Variants in CDCA7L observed in about 807,000 individuals in gnomAD.
CDCA7L encodes the protein cell division cycle-associated 7-like protein.
In CDCA7L, 44 loss-of-function variants were observed where a neutral mutation model predicts 57.4. The ratio of observed to expected loss-of-function variants is 0.77; its 90% CI spans 0.60 to 0.98. CDCA7L has a LOEUF of 0.98. CDCA7L is among the 50% of genes least tolerant of loss of function. The pLI is 0.00. For missense variants in CDCA7L, 644 were observed against 580.6 expected (o/e 1.11, Z -1.12); for synonymous variants, 236 against 202.8 (o/e 1.16, Z -1.39).
Position 21,908,488 on chromosome 7 carries a change from C to A in CDCA7L, c.323G>T (p.Ser108Ile). The change falls in exon 4 of 10, where the codon AGT becomes ATT. Residue 108 changes from serine (S) to isoleucine (I), a missense_variant. Physicochemically the swap from Ser to Ile is moderately radical, Grantham distance 142. Transcript: ENST00000406877. ...CACCAAAGATGCTTTGCCATCATCA[C>A]TCAAATCTGACTCCACGACCTAATA... ...PEVMVVESDLSDDGKASLVSE... is the reference protein window; with the variant it reads ...PEVMVVESDLIDDGKASLVSE... The A allele has an allele frequency of 6.5e-7, 1 of 1,535,846 alleles. No homozygotes were observed. The highest frequency in any genetic ancestry group is 1.3e-5 in the South Asian group (1 of 76,564).
chr7:21,934,233 T>C (rs1786096976), intron 1 of CDCA7L, among the ~76,000 whole-genome samples: 1 of 152,208 alleles, frequency 6.6e-6, no homozygotes, highest in Non-Finnish European at 1.5e-5. Flanking sequence ...AATCTGTTCA[T>C]GGATACACAA....
intron 1 of CDCA7L, among the ~76,000 whole-genome samples, chr7:21,933,340 C>T (rs958368034): frequency 2.0e-5 from 3 of 152,140 alleles, no homozygotes; most frequent in Admixed American, 1.3e-4. Flanking sequence ...ACTATAAAGA[C>T]ACATGCACAT....
intron 2 of CDCA7L, among the ~76,000 whole-genome samples, chr7:21,916,457 GGTTA>G (rs1295957235): frequency 6.8e-6 from 1 of 146,996 alleles, no homozygotes; most frequent in Non-Finnish European, 1.5e-5. Flanking sequence ...CCTCGCCACA[GGTTA>G]CAGCCCCAAG....
chr7:21,905,848 T>C, intron 6 of CDCA7L: 1 of 531,928 alleles, frequency 1.9e-6, no homozygotes, highest in East Asian at 3.3e-5. Flanking sequence ...GAACTCAAGG[T>C]TTTTGGTTCT....
chr7:21,905,522 AT>A lies in CDCA7L; in HGVS notation c.1030del (p.Ile344SerfsTer108). On this transcript the variant is annotated frameshift_variant, in exon 7 of 10. Coordinates refer to ENST00000406877, the MANE Select transcript of CDCA7L (RefSeq NM_018719.5). LOFTEE classifies it high-confidence loss of function. ...ENVAITVRDKIYDKVLGNTCH... is the reference protein window; with the variant it reads ...ENVAITVRDKXYDKVLGNTCH... Reference sequence around the variant, plus strand: ...ATACTTTACCAGAACTTTATCATAGATTTTATCTCGAACAGTTATGGCAACA... The same window carrying A: ...ATACTTTACCAGAACTTTATCATAGATTTATCTCGAACAGTTATGGCAACA... 2 of 1,613,920 alleles carry A rather than the reference AT, an allele frequency of 1.2e-6. No individual in the cohort carries two copies. Among genetic ancestry groups the A allele is most frequent in the Non-Finnish European group, 8.5e-7 (1 of 1,179,918 alleles).
At chr7:21,903,297 C>CAAACACTGA (rs1785003838) in intron 8 of CDCA7L, among the ~76,000 whole-genome samples, 183 bp from the exon 9 acceptor site, 1 of 152,108 alleles carries the variant, frequency 6.6e-6, no homozygotes, top group Non-Finnish European at 1.5e-5. Flanking sequence ...ACGTCACATG[C>CAAACACTGA]AAACACTGAA....
intron 6 of CDCA7L, 34 bp from the exon 7 acceptor site, chr7:21,905,665 T>C: frequency 6.3e-7 from 1 of 1,591,330 alleles, no homozygotes; most frequent in Non-Finnish European, 8.5e-7. Flanking sequence ...CATGGAGATG[T>C]GTTGAGCAGT....
chr7:21,929,637 A>C (rs2128066926), intron 1 of CDCA7L, among the ~76,000 whole-genome samples: 1 of 115,102 alleles, frequency 8.7e-6, no homozygotes, highest in African/African-American at 2.7e-5. Flanking sequence ...AAAGCAAAAA[A>C]AAAAAAAAAA....
chr7:21,904,568 C>T (rs2128056990), intron 7 of CDCA7L, among the ~76,000 whole-genome samples: 1 of 152,306 alleles, frequency 6.6e-6, no homozygotes, highest in South Asian at 2.1e-4. Context: ...CATAGGAGCA[C>T]AAACCCTCTA....
In CDCA7L at chr7:21,929,870, G is replaced by T. The variant is rs541784456; in HGVS notation, c.25-12976C>A. On this transcript the variant is annotated intron_variant, in intron 1 of 9. Transcript: ENST00000406877. ...AGACTTAGACTCCCACACAATAATA[G>T]TGGGAGACTTTAACACGCCACTGTC... 2.0e-5 allele frequency among the ~76,000 whole-genome samples: 3 copies of T among 152,124 alleles called. No homozygotes were observed. The East Asian group carries it at 5.8e-4, about 29-fold the overall frequency.
chr7:21,902,781 C>CAAAGGAGAAGATTCCCTAATAGGGAAA, intron 9 of CDCA7L, 197 bp downstream of exon 9: 1 of 559,648 alleles, frequency 1.8e-6, no homozygotes, highest in Non-Finnish European at 3.0e-6. Context: ...AAAAATCTAG[C>CAAAGGAGAAGATTCCCTAATAGGGAAA]AAAGGAGAAG....
At chr7:21,902,548 CCCGCATT>C (rs1322509216) in intron 9 of CDCA7L, 196 bp from the exon 10 acceptor site, 1 of 561,634 alleles carries the variant, frequency 1.8e-6, no homozygotes, top group African/African-American at 1.9e-5. Context: ...TTGCCTCACT[CCCGCATT>C]CCAGAACCAC....
At chr7:21,927,511 G>C (rs1785865481) in intron 1 of CDCA7L, among the ~76,000 whole-genome samples, 1 of 152,138 alleles carries the variant, frequency 6.6e-6, no homozygotes, top group South Asian at 2.1e-4. Context: ...GAATACAGAA[G>C]AGTGAAAACA....
At chr7:21,915,861 A>C (rs568936938) in intron 2 of CDCA7L, among the ~76,000 whole-genome samples, 1 of 152,088 alleles carries the variant, frequency 6.6e-6, no homozygotes, top group East Asian at 1.9e-4. Flanking sequence ...CAAAGAGCAA[A>C]AGGTGTAACA....
intron 1 of CDCA7L, among the ~76,000 whole-genome samples, chr7:21,943,072 C>T (rs900026416): frequency 6.6e-6 from 1 of 152,204 alleles, no homozygotes; most frequent in Non-Finnish European, 1.5e-5. Flanking sequence ...TTCTCTCCTA[C>T]GGAGCTGCAG....
At chr7:21,938,962 T>C (rs1786258830) in intron 1 of CDCA7L, among the ~76,000 whole-genome samples, 1 of 152,128 alleles carries the variant, frequency 6.6e-6, no homozygotes, top group Non-Finnish European at 1.5e-5. Flanking sequence ...TGAGCCACGA[T>C]AGCACCACTG....
chr7:21,939,061 C>A (rs1786262800), intron 1 of CDCA7L, among the ~76,000 whole-genome samples: 1 of 152,030 alleles, frequency 6.6e-6, no homozygotes, highest in Non-Finnish European at 1.5e-5. Context: ...CATGGATAAA[C>A]TTTAATAACA....
rs1000030146 is a variant in CDCA7L at position 21,902,469 on chromosome 7, A to G, written c.1335-117T>C. On this transcript the variant is annotated intron_variant, in intron 9 of 9. Coordinates refer to ENST00000406877, the MANE Select transcript of CDCA7L (RefSeq NM_018719.5). ...AAAGCCAGAACCCAGATCTCCTGAC[A>G]CTCGAAATCCTGACAATTTATGCAT... 1.6e-5 allele frequency: 16 copies of G among 982,794 alleles called. No homozygotes were observed. In the African/African-American group the frequency reaches 2.6e-4, roughly 16 times the overall value. 60.9% of individuals were successfully genotyped at this position (982,794 alleles called of 1,614,324 possible).
intron 1 of CDCA7L, among the ~76,000 whole-genome samples, chr7:21,921,264 A>G (rs1401578797): frequency 1.4e-5 from 2 of 146,520 alleles, no homozygotes; most frequent in Non-Finnish European, 3.0e-5. Flanking sequence ...AACGGTGTGC[A>G]TTCCTGGGGT....
Sources: allele counts gnomAD v4.1 joint callset (sites outside exome capture counted in the v4.1 genomes callset), GRCh38; gene constraint gnomAD v4.1.1; transcripts MANE v1.5; gene names NCBI Gene and HGNC (gene_info 2026-07-23, HGNC 2026-07-21).